The following SHQ1 variants were observed in gnomAD, a reference collection of about 807,000 sequenced individuals.
SHQ1 encodes SHQ1, H/ACA ribonucleoprotein assembly factor, also known as protein SHQ1 homolog.
SHQ1 carries 49 observed loss-of-function variants against 53.8 expected under a neutral mutation model. The ratio of observed to expected loss-of-function variants is 0.91; its 90% CI spans 0.72 to 1.16. The LOEUF (loss-of-function observed/expected upper bound fraction) is 1.16. Among genes scored for constraint, SHQ1 ranks in the 50% most tolerant of loss-of-function variants. The pLI is 0.00. For missense variants in SHQ1, 738 were observed against 683.1 expected, an observed-to-expected ratio of 1.08 and a Z score of -0.90; for synonymous variants, 243 against 251.0, an observed-to-expected ratio of 0.97 and a Z score of 0.30.
At position 72,845,198 on chromosome 3, in the gene SHQ1, G is replaced by C. The variant is rs1203238836; in HGVS notation, c.144-775C>G. ...TCTTTTGTACTAAAAGAAATGAAGT[G>C]ATTGGCTGGGCGTGGTGGCTTACGC... On this transcript the variant is annotated intron_variant, in intron 1 of 10. Coordinates refer to ENST00000325599, the MANE Select transcript of SHQ1 (RefSeq NM_018130.3). 2.6e-5 allele frequency among the ~76,000 whole-genome samples: 4 copies of C among 152,184 alleles called. No homozygotes were observed. The East Asian group carries it at 5.8e-4, about 22-fold the overall frequency.
intron 10 of SHQ1, among the ~76,000 whole-genome samples, chr3:72,780,749 T>C (rs1187184470): frequency 1.3e-5 from 2 of 152,202 alleles, no homozygotes; most frequent in Non-Finnish European, 2.9e-5. Context: ...TTTCACTCTG[T>C]CACTTAAAGT....
intron 5 of SHQ1, among the ~76,000 whole-genome samples, chr3:72,824,787 C>CTT (rs36082106): frequency 0.21 from 29,861 of 142,544 alleles, 3,297 homozygotes; most frequent in African/African-American, 0.29. Context: ...TTGCTGATCT[C>CTT]TTTTTTTTTT....
intron 1 of SHQ1, among the ~76,000 whole-genome samples, chr3:72,846,803 C>G (rs1004386060): frequency 6.6e-6 from 1 of 152,104 alleles, no homozygotes; most frequent in Admixed American, 6.5e-5. Flanking sequence ...TCCACGGCAA[C>G]GGGTAAATAA....
intron 10 of SHQ1, among the ~76,000 whole-genome samples, chr3:72,784,293 C>T (rs1706161268): frequency 6.6e-6 from 1 of 151,970 alleles, no homozygotes; most frequent in African/African-American, 2.4e-5. Context: ...TTATTTTAGT[C>T]TTAGATCTGT....
intron 9 of SHQ1, among the ~76,000 whole-genome samples, chr3:72,812,029 G>A (rs974096643): frequency 1.3e-5 from 2 of 152,200 alleles, no homozygotes; most frequent in African/African-American, 4.8e-5. Context: ...TTCTAATGAT[G>A]ATACTATGGG....
chr3:72,768,325 C>G (rs1222233437), intron 10 of SHQ1, among the ~76,000 whole-genome samples: 1 of 152,150 alleles, frequency 6.6e-6, no homozygotes, highest in African/African-American at 2.4e-5. Flanking sequence ...CCTAGTGCTC[C>G]CGATGGCAAG....
chr3:72,834,917 CA>C (rs898533632), intron 4 of SHQ1, among the ~76,000 whole-genome samples: 13 of 152,072 alleles, frequency 8.5e-5, no homozygotes, highest in Non-Finnish European at 2.9e-5. Flanking sequence ...TTGGGCTTAA[CA>C]CAATGCACAT....
At chr3:72,805,342 C>T (rs543069961) in intron 9 of SHQ1, among the ~76,000 whole-genome samples, 1 of 152,206 alleles carries the variant, frequency 6.6e-6, no homozygotes, top group Non-Finnish European at 1.5e-5. Flanking sequence ...TTCATCAAGG[C>T]CTCAGTATTA....
intron 10 of SHQ1, among the ~76,000 whole-genome samples, chr3:72,775,695 T>A (rs982242983): frequency 6.6e-6 from 1 of 152,178 alleles, no homozygotes; most frequent in Admixed American, 6.5e-5. Flanking sequence ...AAATAATACA[T>A]CATAATCAAG....
chr3:72,833,420 G>A (rs1442255721), intron 4 of SHQ1, among the ~76,000 whole-genome samples: 2 of 151,888 alleles, frequency 1.3e-5, no homozygotes, highest in African/African-American at 2.4e-5. Flanking sequence ...TGGCCTGGGC[G>A]ACAGAGCCAG....
the SHQ1 span, among the ~76,000 whole-genome samples, chr3:72,728,112 C>G: frequency 1.3e-5 from 2 of 152,152 alleles, no homozygotes; most frequent in Non-Finnish European, 2.9e-5. Flanking sequence ...GCTTTGCTTC[C>G]CCTCCCTGTC....
the SHQ1 span, among the ~76,000 whole-genome samples, chr3:72,728,009 C>G: frequency 6.6e-6 from 1 of 152,192 alleles, no homozygotes; most frequent in East Asian, 1.9e-4. Flanking sequence ...AGATGGGGCA[C>G]TGGGATAATT....
At chr3:72,734,717 C>T in the SHQ1 span, among the ~76,000 whole-genome samples, 1 of 151,716 alleles carries the variant, frequency 6.6e-6, no homozygotes, top group Admixed American at 6.6e-5. Flanking sequence ...AACATGGTTG[C>T]TGTGAACATT....
At chr3:72,825,920 G>A (rs1425721576) in intron 5 of SHQ1, among the ~76,000 whole-genome samples, 1 of 152,080 alleles carries the variant, frequency 6.6e-6, no homozygotes, top group Non-Finnish European at 1.5e-5. Context: ...TCCAGGCACC[G>A]CACTAAAAGC....
chr3:72,792,029 T>C (rs1706454943), intron 10 of SHQ1, among the ~76,000 whole-genome samples: 1 of 152,264 alleles, frequency 6.6e-6, no homozygotes, highest in South Asian at 2.1e-4. Context: ...AAAATTTTTA[T>C]ATACCAAGTG....
At chr3:72,833,239 C>T (rs1238639240) in intron 4 of SHQ1, among the ~76,000 whole-genome samples, 4 of 152,024 alleles carry the variant, frequency 2.6e-5, no homozygotes, top group East Asian at 1.9e-4. Flanking sequence ...CCCAGGAGTT[C>T]GAACCACCCT....
intron 5 of SHQ1, among the ~76,000 whole-genome samples, chr3:72,825,361 T>TACACACACACACACACACAC (rs61048915): frequency 4.2e-4 from 59 of 141,966 alleles, no homozygotes; most frequent in African/African-American, 1.4e-3. Flanking sequence ...TAAAAGGGGC[T>TACACACACACACACACACAC]ACACACACAC....
In SHQ1 at chr3:72,750,733, C is replaced by G. The variant is rs776784108; in HGVS notation, c.1285G>C (p.Val429Leu). 5.8e-6 allele frequency: 9 copies of G among 1,556,940 alleles called. No homozygotes were observed. In the Admixed American group the frequency reaches 1.7e-4, roughly 30 times the overall value. The part of the protein sequence containing the change: ...LEELEAAALL[V>L]QEEETALKAA... ...TTTAATGCAGTTTCTTCCTCCTGGA[C>G]AAGCAGTGCTGCTGCTTCTAGTTCT... The change falls in exon 11 of 11, where the codon GTC becomes CTC. Residue 429 changes from valine (V) to leucine (L), a missense_variant. Coordinates refer to ENST00000325599, the MANE Select transcript of SHQ1 (RefSeq NM_018130.3).
chr3:72,765,557 A>ATATATAT (rs1491527508), intron 10 of SHQ1, among the ~76,000 whole-genome samples: 4 of 57,186 alleles, frequency 7.0e-5, no homozygotes, highest in African/African-American at 2.4e-4. Context: ...ATATATATAT[A>ATATATAT]TTTTTTTTTT....
Sources: gnomAD v4.1 joint callset for allele counts (sites outside exome capture counted in the v4.1 genomes callset) on GRCh38, gnomAD v4.1.1 for gene constraint, MANE v1.5 for transcripts, NCBI Gene and HGNC (gene_info 2026-07-23, HGNC 2026-07-21) for gene names.